Variants in CRYBA4 observed in about 807,000 individuals in gnomAD.
CRYBA4 encodes crystallin beta A4.
A neutral mutation model predicts 31.7 loss-of-function variants in CRYBA4; 30 were observed. The ratio of observed to expected loss-of-function variants is 0.95; its 90% CI spans 0.71 to 1.28. The LOEUF is 1.28. Among genes scored for constraint, CRYBA4 ranks in the 50% most tolerant of loss-of-function variants. The pLI is 0.00. For missense variants in CRYBA4, 225 were observed against 260.7 expected (o/e 0.86, Z 0.94); for synonymous variants, 102 against 102.3 (o/e 1.00, Z 0.02).
In CRYBA4 at chr22:26,622,578, T is replaced by C. The variant is rs1187382180; in HGVS notation, c.-12-7T>C. The C allele has an allele frequency of 6.2e-7, 1 of 1,612,040 alleles. No homozygotes were observed. Among genetic ancestry groups the C allele is most frequent in the East Asian group, 2.2e-5 (1 of 44,836 alleles). On this transcript the variant is annotated splice_region_variant and splice_polypyrimidine_tract_variant and intron_variant, in intron 1 of 5. Coordinates refer to ENST00000354760, the MANE Select transcript of CRYBA4 (RefSeq NM_001886.3). ...GTGGAAGATTATAATGTTCTTCTCT[T>C]CTGCAGGAAGGGGCCACAATGACCC...
the CRYBA4 span, among the ~76,000 whole-genome samples, chr22:26,609,318 A>G: frequency 6.6e-6 from 1 of 152,212 alleles, no homozygotes; most frequent in East Asian, 1.9e-4. Flanking sequence ...CCCAGAATAG[A>G]GTTGCATTTG....
chr22:26,620,352 T>A (rs909376396), upstream of CRYBA4, among the ~76,000 whole-genome samples: 5 of 152,066 alleles, frequency 3.3e-5, no homozygotes, highest in African/African-American at 1.2e-4. Flanking sequence ...ATCCTCACAA[T>A]CCCCCTGTTT....
the CRYBA4 span, among the ~76,000 whole-genome samples, chr22:26,595,112 G>A: frequency 6.6e-6 from 1 of 151,916 alleles, no homozygotes; most frequent in Admixed American, 6.6e-5. Context: ...TTTATTTTTT[G>A]CTTATAATTT....
intron 5 of CRYBA4, among the ~76,000 whole-genome samples, chr22:26,629,536 G>A (rs1263739804): frequency 6.6e-6 from 1 of 151,946 alleles, no homozygotes; most frequent in African/African-American, 2.4e-5. Flanking sequence ...GAGGTCAGGA[G>A]TTCGAGACCA....
At chr22:26,612,034 G>A in the CRYBA4 span, 2 of 1,439,580 alleles carry the variant, frequency 1.4e-6, no homozygotes, top group Non-Finnish European at 9.8e-7. Context: ...TCATTTTACT[G>A]TGGCAGAGAG....
chr22:26,597,220 C>G, the CRYBA4 span, among the ~76,000 whole-genome samples: 2 of 152,140 alleles, frequency 1.3e-5, no homozygotes, highest in African/African-American at 4.8e-5. Context: ...TCCGTCCCAC[C>G]CTGTGCTTCT....
chr22:26,617,608 G>A (rs556554459), upstream of CRYBA4, among the ~76,000 whole-genome samples: 1 of 151,268 alleles, frequency 6.6e-6, no homozygotes, highest in East Asian at 1.9e-4. Context: ...CTCTCCCTCT[G>A]TTCCTCCTCT....
At position 26,625,938 on chromosome 22, in the gene CRYBA4, G is replaced by C. The variant is rs139548847; in HGVS notation, c.300+316G>C. Among the ~76,000 whole-genome samples, 441 of 152,210 alleles carry C rather than the reference G, an allele frequency of 2.9e-3. 1 individual carries two copies. The highest frequency in any genetic ancestry group is 9.7e-3 in the African/African-American group (404 of 41,534). ...TTTTTGTGATTCAGGGACCCTGAGA[G>C]AATCTGGGTACCAGGGATGGTAGGG... is the stretch of plus-strand genomic sequence containing the variant. On this transcript the variant is annotated intron_variant, in intron 4 of 5. Coordinates refer to ENST00000354760, the MANE Select transcript of CRYBA4 (RefSeq NM_001886.3).
chr22:26,618,341 G>A (rs941620484), upstream of CRYBA4, among the ~76,000 whole-genome samples: 5 of 152,224 alleles, frequency 3.3e-5, no homozygotes, highest in African/African-American at 1.2e-4. Flanking sequence ...GAGACCCTGG[G>A]AGGCAGGAGA....
At chr22:26,621,031 T>C (rs1324231718), upstream of CRYBA4, among the ~76,000 whole-genome samples, 1 of 152,106 alleles carries the variant, frequency 6.6e-6, no homozygotes, top group Non-Finnish European at 1.5e-5. Flanking sequence ...TCATGCTGTT[T>C]TCCTATGCTT....
intron 4 of CRYBA4, among the ~76,000 whole-genome samples, chr22:26,627,665 TTGATGGAGTTTTTG>T (rs1929794240): frequency 6.6e-6 from 1 of 150,506 alleles, no homozygotes; most frequent in African/African-American, 2.5e-5. Context: ...TTTCTTTCTT[TTGATGGAGTTTTTG>T]CTTTTGTTGT....
chr22:26,622,683 T>C (rs952686354), intron 2 of CRYBA4, 48 bp downstream of exon 2: 8 of 1,331,278 alleles, frequency 6.0e-6, no homozygotes, highest in Non-Finnish European at 7.6e-6. Context: ...TGGGGAGGGT[T>C]CAGGTCCCCA....
chr22:26,623,366 G>A lies in CRYBA4; in HGVS notation c.158+14G>A. 2 of 1,600,624 alleles carry A rather than the reference G, an allele frequency of 1.2e-6. No individual in the cohort carries two copies. The highest frequency in any genetic ancestry group is 1.1e-5 in the South Asian group (1 of 90,844). ...GCTGAGTGGAGCGTGAGTCTAGGGG[G>A]ACACTGAGTTGGGGTAGAGGGTGGA... On this transcript the variant is annotated intron_variant, in intron 3 of 5. Transcript: ENST00000354760.
chr22:26,609,892 AC>A, the CRYBA4 span, among the ~76,000 whole-genome samples: 1 of 152,238 alleles, frequency 6.6e-6, no homozygotes, highest in African/African-American at 2.4e-5. Context: ...TGTTGCATCT[AC>A]CTTGTTGGGA....
chr22:26,606,524 G>A, the CRYBA4 span, among the ~76,000 whole-genome samples: 1 of 152,174 alleles, frequency 6.6e-6, no homozygotes, highest in African/African-American at 2.4e-5. Flanking sequence ...AAATGCCCTG[G>A]TTGATCACTC....
rs764383587 is a variant in CRYBA4, at chr22:26,623,369, A to C, written c.158+17A>C. The C allele has an allele frequency of 6.3e-7, 1 of 1,596,668 alleles. No individual in the cohort carries two copies. Among genetic ancestry groups the C allele is most frequent in the South Asian group, 1.1e-5 (1 of 90,762 alleles). ...GAGTGGAGCGTGAGTCTAGGGGGAC[A>C]CTGAGTTGGGGTAGAGGGTGGACAG... On this transcript the variant is annotated intron_variant, in intron 3 of 5. Transcript: ENST00000354760.
the CRYBA4 span, among the ~76,000 whole-genome samples, chr22:26,590,828 T>A: frequency 6.6e-6 from 1 of 152,100 alleles, no homozygotes; most frequent in Non-Finnish European, 1.5e-5. Context: ...GAAGCCCTGA[T>A]ATACACAAAT....
intron 4 of CRYBA4, among the ~76,000 whole-genome samples, chr22:26,626,579 T>C (rs1929710404): frequency 6.6e-6 from 1 of 152,254 alleles, no homozygotes; most frequent in Non-Finnish European, 1.5e-5. Context: ...CCTGAAATGC[T>C]TGGGACCAGA....
chr22:26,630,418 A>T lies in CRYBA4; in HGVS notation c.522A>T (p.Lys174Asn). ...GCGATCACCATTCCGGTGACTACAA[A>T]CATTTCCGGGAGTGGGGCTCTCATG... ...LECDHHSGDYKHFREWGSHAP... is the reference protein window; with the variant it reads ...LECDHHSGDYNHFREWGSHAP... The change falls in exon 6 of 6, where the codon AAA (lysine) becomes AAT (asparagine). Residue 174 changes from lysine to asparagine, a missense_variant. Transcript: ENST00000354760. 1 of 1,614,204 alleles carries T rather than the reference A, an allele frequency of 6.2e-7. No individual in the cohort carries two copies. Among genetic ancestry groups the T allele is most frequent in the Non-Finnish European group, 8.5e-7 (1 of 1,180,032 alleles).
Sources: allele counts gnomAD v4.1 joint callset (sites outside exome capture counted in the v4.1 genomes callset), GRCh38; gene constraint gnomAD v4.1.1; transcripts MANE v1.5; gene names NCBI Gene and HGNC (gene_info 2026-07-23, HGNC 2026-07-21).